Variants in TYW3 observed in about 807,000 individuals in gnomAD.
The protein encoded by TYW3 is tRNA wybutosine-synthesizing protein 3 homolog.
Under a neutral mutation model 23.1 loss-of-function variants are expected in TYW3, and 26 were observed. The observed-to-expected ratio is 1.13, with a 90% CI of 0.83 to 1.56. The LOEUF (loss-of-function observed/expected upper bound fraction) is 1.56, where lower values mean the gene tolerates loss of function less well. Ranked by LOEUF, TYW3 falls within the 40% of genes most tolerant of loss-of-function variation. TYW3 has a pLI of 0.00. For missense variants in TYW3, 316 were observed against 311.9 expected (o/e 1.01, Z -0.10); for synonymous variants, 102 against 105.7 (o/e 0.97, Z 0.21).
chr1:74,748,881 AC>A (rs1648680783), intron 4 of TYW3, 59 bp downstream of exon 4: 1 of 1,396,144 alleles, frequency 7.2e-7, no homozygotes, highest in Non-Finnish European at 1.0e-6. Context: ...AAATTGAATA[AC>A]CTAATTAGAC....
In TYW3 at chr1:74,766,346, C is replaced by G. The variant is rs1490096358; in HGVS notation, c.*2233C>G. 1 of 152,058 alleles carries G rather than the reference C, an allele frequency of 6.6e-6. No individual in the cohort carries two copies. Among genetic ancestry groups the G allele is most frequent in the Non-Finnish European group, 1.5e-5 (1 of 68,026 alleles). The allele number at this position is 152,058 out of a possible 1,614,324, so 9.4% of individuals were successfully genotyped here. ...GCATTGTTATCATAGAAGGTGACAGCTTCATGTGTGTTATTGCCCCTGAAG... is the reference window on the plus strand; with the variant it reads ...GCATTGTTATCATAGAAGGTGACAGGTTCATGTGTGTTATTGCCCCTGAAG... On this transcript the variant is annotated 3_prime_UTR_variant, in exon 6 of 6. Coordinates refer to ENST00000370867, the MANE Select transcript of TYW3 (RefSeq NM_138467.3).
chr1:74,750,538 TG>T (rs1424507352), intron 4 of TYW3, among the ~76,000 whole-genome samples: 4 of 151,766 alleles, frequency 2.6e-5, no homozygotes, highest in African/African-American at 9.7e-5. Flanking sequence ...CACTCCAGCC[TG>T]GGCAACAGAG....
chr1:74,733,203 C>G lies in TYW3; in HGVS notation c.-42C>G. Reference sequence around the variant, plus strand: ...TGGCTGCCCCCAGGGAGAGACGAGGCTACCATGAAGGAGCCGAGCGCAGAC... The same window carrying G: ...TGGCTGCCCCCAGGGAGAGACGAGGGTACCATGAAGGAGCCGAGCGCAGAC... On this transcript the variant is annotated 5_prime_UTR_variant, in exon 1 of 6. Coordinates refer to ENST00000370867, the MANE Select transcript of TYW3 (RefSeq NM_138467.3). The G allele has an allele frequency of 1.9e-6, 3 of 1,604,036 alleles. No homozygotes were observed. In the Admixed American group the frequency reaches 5.1e-5, roughly 27 times the overall value.
chr1:74,762,731 G>A (rs939842312), intron 5 of TYW3, among the ~76,000 whole-genome samples: 2 of 152,116 alleles, frequency 1.3e-5, no homozygotes, highest in African/African-American at 2.4e-5. Context: ...GAAAAATCAA[G>A]ACTGTGGGAA....
chr1:74,752,228 CTTGAG>C lies in TYW3; in HGVS notation c.427-61_427-57del. 3.3e-6 allele frequency: 5 copies of C among 1,510,138 alleles called. 1 individual carries two copies. The highest frequency in any genetic ancestry group is 3.5e-4 in the Middle Eastern group (2 of 5,648). The allele number at this position is 1,510,138 out of a possible 1,614,324, so 93.5% of individuals were successfully genotyped here. On this transcript the variant is annotated intron_variant, in intron 4 of 5. Coordinates refer to ENST00000370867, the MANE Select transcript of TYW3 (RefSeq NM_138467.3). ...CAAACACAGCCCTGACGGGACTTTT[CTTGAG>C]TTATTTTCAGTTTCTGTGGTATCTA...
chr1:74,735,697 A>C (rs899201106), intron 1 of TYW3, among the ~76,000 whole-genome samples: 1 of 152,252 alleles, frequency 6.6e-6, no homozygotes, highest in Admixed American at 6.5e-5. Flanking sequence ...TAAGATTCAG[A>C]GTAGCCAGCA....
chr1:74,758,193 T>C (rs1241728418), intron 5 of TYW3, among the ~76,000 whole-genome samples: 2 of 152,238 alleles, frequency 1.3e-5, no homozygotes, highest in Non-Finnish European at 2.9e-5. Flanking sequence ...CATTAAATAC[T>C]GTTCTCCAAG....
chr1:74,745,312 C>T (rs1648520072), intron 3 of TYW3, among the ~76,000 whole-genome samples: 1 of 152,202 alleles, frequency 6.6e-6, no homozygotes, highest in African/African-American at 2.4e-5. Flanking sequence ...GCTCGAGTGG[C>T]CAGCTTTTAT....
At chr1:74,758,844 C>T (rs1195059237) in intron 5 of TYW3, among the ~76,000 whole-genome samples, 1 of 152,170 alleles carries the variant, frequency 6.6e-6, no homozygotes, top group Non-Finnish European at 1.5e-5. Flanking sequence ...ACCTTACACA[C>T]ATACACAAAC....
rs1212804877 is a variant in TYW3 at position 74,748,751 on chromosome 1, C to T, written c.355C>T (p.His119Tyr). 1 of 1,613,836 alleles carries T rather than the reference C, an allele frequency of 6.2e-7. No individual in the cohort carries two copies. The highest frequency in any genetic ancestry group is 8.5e-7 in the Non-Finnish European group (1 of 1,179,808). ...TGTAACAAGTTTTATTTTCTTACAG[C>T]ATTCCATGGCAATAGATTCTGGTTT... is the stretch of plus-strand genomic sequence containing the variant. ...CRQLQDAQIL[H>Y]SMAIDSGFRN... Residue 119 changes from histidine (H) to tyrosine (Y), a missense_variant and splice_region_variant, in exon 4 of 6, where the codon CAT (histidine) becomes TAT (tyrosine). His to Tyr is a moderately conservative substitution (Grantham distance 83). Coordinates refer to ENST00000370867, the MANE Select transcript of TYW3 (RefSeq NM_138467.3).
At chr1:74,742,623 T>C (rs571094839) in intron 3 of TYW3, among the ~76,000 whole-genome samples, 1 of 152,284 alleles carries the variant, frequency 6.6e-6, no homozygotes, top group East Asian at 1.9e-4. Flanking sequence ...CCTTCACCTT[T>C]CCGATGGCTT....
rs372873769 is a variant in TYW3 at position 74,738,718 on chromosome 1, A to T, written c.284A>T (p.Asp95Val). ...VIVALKKANGDATLKFEPFVL... is the reference protein window; with the variant it reads ...VIVALKKANGVATLKFEPFVL... ...GTAGCTCTGAAGAAAGCAAATGGTG[A>T]TGCCACTTTGAAATTTGAACCATTT... The change falls in exon 3 of 6, where the codon GAT (aspartate) becomes GTT (valine). Residue 95 changes from aspartate to valine, a missense_variant. Asp to Val is a radical substitution (Grantham distance 152). Coordinates refer to ENST00000370867, the MANE Select transcript of TYW3 (RefSeq NM_138467.3). 1 of 1,609,406 alleles carries T rather than the reference A, an allele frequency of 6.2e-7. No individual in the cohort carries two copies. Among genetic ancestry groups the T allele is most frequent in the Non-Finnish European group, 8.5e-7 (1 of 1,176,518 alleles).
intron 5 of TYW3, among the ~76,000 whole-genome samples, chr1:74,759,899 C>T (rs1171431521): frequency 6.6e-6 from 1 of 152,312 alleles, no homozygotes; most frequent in South Asian, 2.1e-4. Context: ...CCGCCTTGGC[C>T]TCCCAAAGTG....
intron 5 of TYW3, among the ~76,000 whole-genome samples, chr1:74,755,251 A>G (rs1021696505): frequency 6.6e-6 from 1 of 152,070 alleles, no homozygotes; most frequent in African/African-American, 2.4e-5. Flanking sequence ...GTGCATTCAC[A>G]TTGTTATGCA....
At position 74,733,419 on chromosome 1, in the gene TYW3, G is replaced by C. The variant is rs1647985850; in HGVS notation, c.174+1G>C. On this transcript the variant is annotated splice_donor_variant, in intron 1 of 5. Transcript: ENST00000370867. LOFTEE classifies it high-confidence loss of function. ...TGGCCGCATCCTACTCCTTGACCGG[G>C]TGAGGCCCCTTTGCGCCTGTCCATC... The C allele has an allele frequency of 1.2e-6, 2 of 1,614,108 alleles. No individual in the cohort carries two copies. The highest frequency in any genetic ancestry group is 1.7e-6 in the Non-Finnish European group (2 of 1,180,000).
intron 5 of TYW3, among the ~76,000 whole-genome samples, chr1:74,762,912 A>T (rs1410200756): frequency 2.0e-5 from 3 of 152,196 alleles, no homozygotes; most frequent in Non-Finnish European, 4.4e-5. Flanking sequence ...GAGAGCCTAC[A>T]GTTTATTGTA....
chr1:74,735,647 A>G (rs1301457093), intron 1 of TYW3, among the ~76,000 whole-genome samples: 4 of 152,202 alleles, frequency 2.6e-5, no homozygotes, highest in Non-Finnish European at 4.4e-5. Context: ...CCACCACTAG[A>G]TCCTGTAAAG....
rs369131223 is a variant in TYW3, at chr1:74,735,323, T to C, written c.175-1219T>C. Among the ~76,000 whole-genome samples the C allele has an allele frequency of 1.1e-3, 169 of 152,292 alleles. 3 individuals are homozygous for C. The highest frequency in any genetic ancestry group is 3.4e-3 in the Middle Eastern group (1 of 294). On this transcript the variant is annotated intron_variant, in intron 1 of 5. Transcript: ENST00000370867. ...TTGTATTTACTTGCTTTTGCTCATG[T>C]TTTTTGGCGGTTTTTTTCCTGAAAT...
intron 5 of TYW3, 60 bp downstream of exon 5, chr1:74,752,485 T>A: frequency 6.9e-7 from 1 of 1,443,950 alleles, no homozygotes; most frequent in Non-Finnish European, 9.5e-7. Flanking sequence ...TTGAAAACAT[T>A]AATACTTACT....
Sources: allele counts gnomAD v4.1 joint callset (sites outside exome capture counted in the v4.1 genomes callset), GRCh38; gene constraint gnomAD v4.1.1; transcripts MANE v1.5; gene names NCBI Gene and HGNC (gene_info 2026-07-23, HGNC 2026-07-21).